The following PHF8 variants were observed in gnomAD, a reference collection of about 807,000 sequenced individuals.
The protein encoded by PHF8 is histone lysine demethylase PHF8.
Under a neutral mutation model 74.4 loss-of-function variants are expected in PHF8, and 9 were observed. The observed-to-expected ratio is 0.12, with a 90% confidence interval of 0.07 to 0.21. The LOEUF is 0.21. Ranked by LOEUF, PHF8 falls within the 10% of genes least tolerant of loss-of-function variation. The probability of loss-of-function intolerance (pLI) is 1.00; values close to 1 mark genes in which losing one functional copy is unlikely to be tolerated. For synonymous variants in PHF8, 311 were observed against 316.6 expected (o/e 0.98, Z 0.19); for missense variants, 478 against 816.6 (o/e 0.59, Z 5.05).
intron 8 of PHF8, among the ~76,000 whole-genome samples, chrX:54,010,178 G>A (rs782692942): frequency 3.7e-5 from 4 of 109,183 alleles, no homozygotes; most frequent in African/African-American, 1.3e-4. Context: ...AAAATTAGCC[G>A]GGCGTGGTAG....
At position 53,938,723 on chromosome X, in the gene PHF8, G is replaced by A. The variant is rs921583207; in HGVS notation, c.*435C>T. 6.6e-6 allele frequency: 5 copies of A among 760,689 alleles called. No homozygotes were observed. Among genetic ancestry groups the A allele is most frequent in the African/African-American group, 2.3e-5 (1 of 43,378 alleles). The allele number at this position is 760,689 out of a possible 1,213,427, so 62.7% of individuals were successfully genotyped here. ...AAATGGGGCAAACAGAATGGGTGGA[G>A]GTGGGCAGGCTTCTGGATATAGGGC... On this transcript the variant is annotated 3_prime_UTR_variant, in exon 22 of 22. Coordinates refer to ENST00000338154, the MANE Select transcript of PHF8 (RefSeq NM_015107.3).
rs1384329585 is a variant in PHF8 at position 53,940,661 on chromosome X, C to T, written c.2650-145G>A. The T allele has an allele frequency of 1.8e-5, 9 of 491,016 alleles. No individual in the cohort carries two copies. In the African/African-American group the frequency reaches 2.1e-4, roughly 12 times the overall value. The allele number at this position is 491,016 out of a possible 1,213,427, so 40.5% of individuals were successfully genotyped here. On this transcript the variant is annotated intron_variant, in intron 20 of 21. Transcript: ENST00000338154. ...GCACCAAGTCTAGCCTGGATGTACACACAGCACATAACAGGCCTTCCAATA... is the reference window on the plus strand; with the variant it reads ...GCACCAAGTCTAGCCTGGATGTACATACAGCACATAACAGGCCTTCCAATA...
At chrX:53,993,251 A>C (rs1279197647) in intron 13 of PHF8, among the ~76,000 whole-genome samples, 2 of 111,444 alleles carry the variant, frequency 1.8e-5, no homozygotes, top group Non-Finnish European at 3.8e-5. Context: ...TTCTGAAAAG[A>C]GCTCCTGAAA....
intron 19 of PHF8, among the ~76,000 whole-genome samples, chrX:53,950,821 T>TTG (rs1437862394): frequency 8.9e-6 from 1 of 112,297 alleles, no homozygotes; most frequent in African/African-American, 3.2e-5. Flanking sequence ...GAAAATCTGA[T>TTG]TTTCAGAGTT....
intron 19 of PHF8, among the ~76,000 whole-genome samples, chrX:53,955,204 T>C (rs1557088320): frequency 1.8e-5 from 2 of 111,400 alleles, no homozygotes; most frequent in African/African-American, 6.5e-5. Context: ...TTGATTCTCT[T>C]TCATTTTCTG....
In PHF8 at chrX:53,985,233, A is replaced by G; in HGVS notation, c.2130-6T>C. The G allele has an allele frequency of 8.5e-7, 1 of 1,180,005 alleles. No individual in the cohort carries two copies. The highest frequency in any genetic ancestry group is 1.1e-6 in the Non-Finnish European group (1 of 873,920). On this transcript the variant is annotated splice_region_variant and splice_polypyrimidine_tract_variant and intron_variant, in intron 17 of 21. Coordinates refer to ENST00000338154, the MANE Select transcript of PHF8 (RefSeq NM_015107.3). The stretch of plus-strand genomic sequence containing the variant: ...TGGGAGAAGCTGGGGCCTCGCTGCA[A>G]GGAACAGAGGAGAAATACTGAGAGA...
Position 54,040,576 on chromosome X carries a change from A to AT in PHF8, c.98+2054_98+2055insA, listed in dbSNP as rs782207608. Among the ~76,000 whole-genome samples, 93 of 112,039 alleles carry AT rather than the reference A, an allele frequency of 8.3e-4. 1 individual carries two copies. The highest frequency in any genetic ancestry group is 3.0e-3 in the African/African-American group (93 of 30,866). ...ACCTTTTACAGTCTGTGAGTTGCAA[A>AT]GGGGAGAGGGCATTAGTGGGAGTTT... On this transcript the variant is annotated intron_variant, in intron 2 of 21. Transcript: ENST00000338154.
chrX:54,044,000 G>C lies in PHF8; in HGVS notation c.-331C>G. On this transcript the variant is annotated 5_prime_UTR_variant, in exon 1 of 22. Transcript: ENST00000338154. Reference sequence around the variant, plus strand: ...CCTACGGCGACGCGCGTCGAATTCTGGGATAGTCCCCGTACCGCCGGGAAC... The same window carrying C: ...CCTACGGCGACGCGCGTCGAATTCTCGGATAGTCCCCGTACCGCCGGGAAC... The C allele has an allele frequency of 1.3e-6, 1 of 754,886 alleles. No individual in the cohort carries two copies. The allele number at this position is 754,886 out of a possible 1,213,427, so 62.2% of individuals were successfully genotyped here.
At chrX:53,976,108 G>A (rs1464576642) in intron 18 of PHF8, among the ~76,000 whole-genome samples, 2 of 110,202 alleles carry the variant, frequency 1.8e-5, no homozygotes, top group East Asian at 5.7e-4. Flanking sequence ...GAGGTCAGGA[G>A]CTCGAGACCA....
At chrX:53,948,428 C>T (rs908071453) in intron 19 of PHF8, among the ~76,000 whole-genome samples, 1 of 110,391 alleles carries the variant, frequency 9.1e-6, no homozygotes, top group African/African-American at 3.3e-5. Context: ...ACCCACCACC[C>T]CGCCCGGCTA....
intron 2 of PHF8, among the ~76,000 whole-genome samples, chrX:54,042,040 C>T (rs892150573): frequency 8.9e-6 from 1 of 111,941 alleles, no homozygotes. Context: ...CGGTGGCTCA[C>T]GCCTGTAATC....
At position 54,023,348 on chromosome X, in the gene PHF8, C is replaced by T. The variant is rs149346927; in HGVS notation, c.99-505G>A. Among the ~76,000 whole-genome samples, 331 of 111,402 alleles carry T rather than the reference C, an allele frequency of 3.0e-3. 3 individuals are homozygous for T. The highest frequency in any genetic ancestry group is 9.9e-3 in the African/African-American group (303 of 30,617). On this transcript the variant is annotated intron_variant, in intron 2 of 21. Transcript: ENST00000338154. ...ACTAAAAAAAAAAATTTATAGTCAACAGTAGTTCTAAATGAAAAATTACAG... is the reference window on the plus strand; with the variant it reads ...ACTAAAAAAAAAAATTTATAGTCAATAGTAGTTCTAAATGAAAAATTACAG...
Position 53,940,222 on chromosome X carries a change from G to A in PHF8, c.2944C>T (p.Arg982Trp), listed in dbSNP as rs782155225. 10 of 1,188,618 alleles carry A rather than the reference G, an allele frequency of 8.4e-6. No homozygotes were observed. Among genetic ancestry groups the A allele is most frequent in the Non-Finnish European group, 1.1e-5 (10 of 883,950 alleles). Reference sequence around the variant, plus strand: ...CTCTGGGAGCCAACTGAAGGGCGCCGCTGGGTCAAGAAGACACCGGGGGCC... The same window carrying A: ...CTCTGGGAGCCAACTGAAGGGCGCCACTGGGTCAAGAAGACACCGGGGGCC... ...PMAPGVFLTQ[R>W]RPSVGSQSNQ... The change falls in exon 21 of 22, where the codon CGG becomes TGG. Residue 982 changes from arginine (R) to tryptophan (W), a missense_variant. Coordinates refer to ENST00000338154, the MANE Select transcript of PHF8 (RefSeq NM_015107.3).
intron 6 of PHF8, among the ~76,000 whole-genome samples, chrX:54,015,758 T>C (rs1190230985): frequency 9.0e-6 from 1 of 110,660 alleles, no homozygotes; most frequent in Non-Finnish European, 1.9e-5. Flanking sequence ...GACAGTAAGT[T>C]TCCTAAGGGC....
At chrX:53,954,519 A>G (rs1469963121) in intron 19 of PHF8, among the ~76,000 whole-genome samples, 3 of 104,962 alleles carry the variant, frequency 2.9e-5, no homozygotes, top group Non-Finnish European at 3.9e-5. Context: ...AAAAAAAAAA[A>G]AAAAAGAAAA....
At chrX:53,992,271 C>T (rs1175728698) in intron 14 of PHF8, among the ~76,000 whole-genome samples, 1 of 111,999 alleles carries the variant, frequency 8.9e-6, no homozygotes, top group Non-Finnish European at 1.9e-5. Context: ...TTATCTAGCC[C>T]TTACTGATGA....
rs1313501622 is a variant in PHF8 at position 53,967,000 on chromosome X, C to T, written c.2444-4061G>A. On this transcript the variant is annotated intron_variant, in intron 18 of 21. Coordinates refer to ENST00000338154, the MANE Select transcript of PHF8 (RefSeq NM_015107.3). ...GGGAGGAGACCCTCCGCCTGGCAAC[C>T]GCCCCATCTGAGAAGTGAGGAGACC... is the stretch of plus-strand genomic sequence containing the variant. Among the ~76,000 whole-genome samples the T allele has an allele frequency of 7.4e-5, 8 of 108,696 alleles. No homozygotes were observed. In the South Asian group the frequency reaches 1.2e-3, roughly 16 times the overall value. The allele number at this position is 108,696 out of a possible 115,157, so 94.4% of individuals were successfully genotyped here.
At chrX:54,035,389 C>A (rs2066435142) in intron 2 of PHF8, among the ~76,000 whole-genome samples, 1 of 108,625 alleles carries the variant, frequency 9.2e-6, no homozygotes, top group Non-Finnish European at 1.9e-5. Context: ...AGTAAAGTTT[C>A]TACTCTTCAA....
At chrX:53,968,219 T>G (rs1382940121) in intron 18 of PHF8, among the ~76,000 whole-genome samples, 1 of 111,591 alleles carries the variant, frequency 9.0e-6, no homozygotes, top group Non-Finnish European at 1.9e-5. Context: ...AATGTTTACA[T>G]TAGAAATTAA....
Sources: gnomAD v4.1 joint callset for allele counts (sites outside exome capture counted in the v4.1 genomes callset) on GRCh38, gnomAD v4.1.1 for gene constraint, MANE v1.5 for transcripts, NCBI Gene and HGNC (gene_info 2026-07-23, HGNC 2026-07-21) for gene names.